Variants in GALNT9 observed in about 807,000 individuals in gnomAD.
GALNT9 encodes GalNAc transferase 9.
Under a neutral mutation model 63.1 loss-of-function variants are expected in GALNT9, and 47 were observed. That is an observed-to-expected ratio of 0.75 (90% CI 0.59 to 0.95). The LOEUF (loss-of-function observed/expected upper bound fraction) is 0.95, where lower values mean the gene tolerates loss of function less well. Among genes scored for constraint, GALNT9 ranks in the 40% least tolerant of loss-of-function variants. The pLI is 0.00. For synonymous variants in GALNT9, 396 were observed against 365.7 expected, an observed-to-expected ratio of 1.08 and a Z score of -0.94; for missense variants, 829 against 874.8, an observed-to-expected ratio of 0.95 and a Z score of 0.66.
chr12:132,292,619 T>A (rs1304211248), intron 1 of GALNT9, among the ~76,000 whole-genome samples: 42 of 152,204 alleles, frequency 2.8e-4, no homozygotes, highest in Admixed American at 2.7e-3. Flanking sequence ...GGGAAGAGCC[T>A]TGTCTTTGAA....
chr12:132,252,805 C>T lies in GALNT9; in HGVS notation c.960-4778G>A, dbSNP rs1878973228. On this transcript the variant is annotated intron_variant, in intron 5 of 10. Coordinates refer to ENST00000328957, the MANE Select transcript of GALNT9 (RefSeq NM_001122636.2). The surrounding 1 kb of genome is among the most constrained non-coding windows in gnomAD (Gnocchi z 5.2). ...GGCTGAGGCAGGAGAATCGCTTGAA[C>T]CTGGGAGGCGGAGGTTGTGGTGAGC... 6.6e-6 allele frequency among the ~76,000 whole-genome samples: 1 copy of T among 151,968 alleles called. No homozygotes were observed. The highest frequency in any genetic ancestry group is 1.5e-5 in the Non-Finnish European group (1 of 67,986).
chr12:132,244,805 GCA>G, intron 6 of GALNT9, among the ~76,000 whole-genome samples: 1 of 141,522 alleles, frequency 7.1e-6, no homozygotes, highest in East Asian at 2.1e-4. Context: ...GGCTGGACGG[GCA>G]GCATGGTGAT....
chr12:132,213,628 A>AT (rs974164839), intron 6 of GALNT9, among the ~76,000 whole-genome samples: 9 of 152,152 alleles, frequency 5.9e-5, no homozygotes, highest in African/African-American at 1.9e-4. Flanking sequence ...CTCAGCTGTC[A>AT]TTCCTGTCAG....
At chr12:132,323,756 A>AT (rs1868909277) in intron 1 of GALNT9, among the ~76,000 whole-genome samples, 2 of 151,954 alleles carry the variant, frequency 1.3e-5, no homozygotes, top group Admixed American at 6.6e-5. Flanking sequence ...GGTAGTAACT[A>AT]TTTTTTCAGT....
At chr12:132,229,522 G>A (rs896201715) in intron 6 of GALNT9, among the ~76,000 whole-genome samples, 24 of 152,312 alleles carry the variant, frequency 1.6e-4, no homozygotes, top group South Asian at 4.1e-4. Context: ...ACCACACCCC[G>A]CGGCAGGCCC....
At chr12:132,301,473 T>C (rs28537249) in intron 1 of GALNT9, among the ~76,000 whole-genome samples, 4,573 of 152,312 alleles carry the variant, frequency 0.03, 134 homozygotes, top group East Asian at 0.12. Context: ...GCTGGACACT[T>C]CCCCTCCGGG....
rs1162634928 is a variant in GALNT9, at chr12:132,327,668, G to A, written c.238+1298C>T. Among the ~76,000 whole-genome samples the A allele has an allele frequency of 1.3e-5, 2 of 152,268 alleles. No homozygotes were observed. Among genetic ancestry groups the A allele is most frequent in the African/African-American group, 4.8e-5 (2 of 41,564 alleles). ...CTCGTGGCTCCAGCTGAATCAGAAA[G>A]ATCAGAGAAGCCACAGAGCTCACCA... On this transcript the variant is annotated intron_variant, in intron 1 of 10. Transcript: ENST00000328957. This position sits in a 1 kb window ranked among gnomAD's most constrained non-coding sequence, Gnocchi z 4.3.
chr12:132,204,885 G>C (rs1876549846), intron 6 of GALNT9, among the ~76,000 whole-genome samples: 1 of 152,124 alleles, frequency 6.6e-6, no homozygotes, highest in African/African-American at 2.4e-5. Context: ...AGCCTGCCAT[G>C]CTGGACGAGT....
chr12:132,206,762 C>G (rs1442970669), intron 6 of GALNT9, among the ~76,000 whole-genome samples: 1 of 152,116 alleles, frequency 6.6e-6, no homozygotes, highest in Admixed American at 6.5e-5. Flanking sequence ...AGGAGCCGAG[C>G]CCCCACACAA....
At chr12:132,267,642 G>A (rs1261152172) in intron 2 of GALNT9, among the ~76,000 whole-genome samples, 2 of 152,206 alleles carry the variant, frequency 1.3e-5, no homozygotes, top group Non-Finnish European at 1.5e-5. Context: ...CCATTGGCAG[G>A]GCAACACTGG....
At chr12:132,247,755 GC>G in intron 6 of GALNT9, 154 bp downstream of exon 6, 1 of 1,268,492 alleles carries the variant, frequency 7.9e-7, no homozygotes, top group South Asian at 1.4e-5. Context: ...AGATGCCGTG[GC>G]CGCACTCGCC....
intron 4 of GALNT9, among the ~76,000 whole-genome samples, chr12:132,260,697 A>G (rs1879341766): frequency 6.6e-6 from 1 of 152,188 alleles, no homozygotes; most frequent in Non-Finnish European, 1.5e-5. Context: ...TCTAAGCGCC[A>G]TGTCCTTGGG....
intron 1 of GALNT9, among the ~76,000 whole-genome samples, chr12:132,305,401 G>A (rs191033888): frequency 7.3e-5 from 3 of 41,052 alleles, no homozygotes; most frequent in Non-Finnish European, 1.3e-4. Context: ...CCTCACCGGG[G>A]CACACCCTCA....
rs912659002 is a variant in GALNT9 at position 132,229,587 on chromosome 12, C to T, written c.1077+18323G>A. Among the ~76,000 whole-genome samples, 17 of 152,338 alleles carry T rather than the reference C, an allele frequency of 1.1e-4. No homozygotes were observed. In the East Asian group the frequency reaches 1.2e-3, roughly 10 times the overall value. ...AGTAAGTCCTGCTCTCATGAGCACG[C>T]GTGACGGGGATGGGGCTGGGAGAGA... On this transcript the variant is annotated intron_variant, in intron 6 of 10. Coordinates refer to ENST00000328957, the MANE Select transcript of GALNT9 (RefSeq NM_001122636.2).
chr12:132,277,590 TC>T (rs1383752520), intron 2 of GALNT9: 3 of 152,258 alleles, frequency 2.0e-5, no homozygotes, highest in Non-Finnish European at 4.4e-5. Context: ...CCACGTCGAC[TC>T]CCGGCGTGAA....
At chr12:132,243,340 G>A (rs191066329) in intron 6 of GALNT9, among the ~76,000 whole-genome samples, 23 of 89,694 alleles carry the variant, frequency 2.6e-4, no homozygotes, top group African/African-American at 8.5e-4. Context: ...CTTCCCGGGG[G>A]GCCATCAGGG....
chr12:132,285,673 G>T (rs1270525993), intron 2 of GALNT9, among the ~76,000 whole-genome samples: 5 of 152,260 alleles, frequency 3.3e-5, no homozygotes, highest in African/African-American at 1.2e-4. Flanking sequence ...ACCAGGGCTG[G>T]CAGGGCCTGA....
chr12:132,262,378 C>T (rs535196272), intron 3 of GALNT9, 81 bp downstream of exon 3: 53 of 1,479,226 alleles, frequency 3.6e-5, no homozygotes, highest in East Asian at 3.0e-4. Flanking sequence ...GCTCTGCCCC[C>T]GGAGGCTCCA....
intron 1 of GALNT9, among the ~76,000 whole-genome samples, chr12:132,308,691 T>C (rs1881701276): frequency 6.6e-6 from 1 of 152,056 alleles, no homozygotes; most frequent in African/African-American, 2.4e-5. Flanking sequence ...CATCCTGTAA[T>C]CCTCACACTG....
Sources: gnomAD v4.1 joint callset for allele counts (sites outside exome capture counted in the v4.1 genomes callset) on GRCh38, gnomAD v4.1.1 for gene constraint, Gnocchi (gnomAD v3.1) non-coding constraint, MANE v1.5 for transcripts, NCBI Gene and HGNC (gene_info 2026-07-23, HGNC 2026-07-21) for gene names.